Variants in TM9SF2 observed in about 807,000 individuals in gnomAD.
TM9SF2 encodes 76 kDa membrane protein.
A neutral mutation model predicts 84.9 loss-of-function variants in TM9SF2; 13 were observed. The ratio of observed to expected loss-of-function variants is 0.15; its 90% CI spans 0.10 to 0.24. The LOEUF (loss-of-function observed/expected upper bound fraction) is 0.24, where lower values mean the gene tolerates loss of function less well. TM9SF2 is among the 10% of genes least tolerant of loss of function. TM9SF2 has a pLI of 1.00. For missense variants in TM9SF2, 562 were observed against 818.5 expected (o/e 0.69, Z 3.82); for synonymous variants, 273 against 285.8 (o/e 0.96, Z 0.45).
At position 99,502,340 on chromosome 13, in the gene TM9SF2, G is replaced by C. The variant is rs78360364; in HGVS notation, c.171+563G>C. ...ATATCTCGCTTCACAATTAGAAGTT[G>C]GTTCCTTATTTGTGGAGTATAACAC... On this transcript the variant is annotated intron_variant, in intron 1 of 16. Coordinates refer to ENST00000376387, the MANE Select transcript of TM9SF2 (RefSeq NM_004800.3). Among the ~76,000 whole-genome samples, 953 of 152,294 alleles carry C rather than the reference G, an allele frequency of 6.3e-3. 7 individuals carry two copies. The highest frequency in any genetic ancestry group is 0.054 in the Middle Eastern group (16 of 294).
rs377220070 is a variant in TM9SF2 at position 99,562,808 on chromosome 13, A to G, written c.*50A>G. On this transcript the variant is annotated 3_prime_UTR_variant, in exon 17 of 17. Coordinates refer to ENST00000376387, the MANE Select transcript of TM9SF2 (RefSeq NM_004800.3). ...ACAGAAATAAATTAAACTCTTCATC[A>G]ACAAAGACCTGTTTTTGTGACTGCC... 2.6e-5 allele frequency: 41 copies of G among 1,565,830 alleles called. No homozygotes were observed. Among genetic ancestry groups the G allele is most frequent in the Non-Finnish European group, 3.5e-5 (40 of 1,145,612 alleles).
intron 3 of TM9SF2, among the ~76,000 whole-genome samples, chr13:99,524,641 G>A (rs577664199): frequency 1.3e-5 from 2 of 151,828 alleles, no homozygotes; most frequent in African/African-American, 2.4e-5. Flanking sequence ...CCAAGGGAGT[G>A]GGTATAGATG....
chr13:99,503,831 G>T (rs928529829), intron 1 of TM9SF2, among the ~76,000 whole-genome samples: 6 of 152,084 alleles, frequency 3.9e-5, no homozygotes, highest in Admixed American at 3.3e-4. Flanking sequence ...AGGTCCTTTG[G>T]TAAGTGGCTA....
chr13:99,560,137 G>T (rs897473386), intron 16 of TM9SF2, among the ~76,000 whole-genome samples: 1 of 152,182 alleles, frequency 6.6e-6, no homozygotes, highest in Non-Finnish European at 1.5e-5. Flanking sequence ...TTTGTCGCGT[G>T]AGTGACTGAA....
intron 1 of TM9SF2, among the ~76,000 whole-genome samples, chr13:99,506,752 C>T (rs1024702672): frequency 1.3e-5 from 2 of 152,114 alleles, no homozygotes; most frequent in Admixed American, 6.5e-5. Context: ...CACCTCACAC[C>T]CCCAACACAA....
intron 3 of TM9SF2, among the ~76,000 whole-genome samples, chr13:99,528,296 C>T (rs879923835): frequency 6.6e-6 from 1 of 152,138 alleles, no homozygotes; most frequent in Non-Finnish European, 1.5e-5. Flanking sequence ...CTGGCTATGC[C>T]GATGCTCAGT....
At chr13:99,532,464 C>G (rs1331987317) in intron 4 of TM9SF2, among the ~76,000 whole-genome samples, 1 of 151,976 alleles carries the variant, frequency 6.6e-6, no homozygotes, top group East Asian at 1.9e-4. Flanking sequence ...CCAAGGCAGG[C>G]AGATCACCTG....
chr13:99,513,944 A>C (rs1223670865), intron 1 of TM9SF2, among the ~76,000 whole-genome samples: 1 of 152,184 alleles, frequency 6.6e-6, no homozygotes, highest in East Asian at 1.9e-4. Flanking sequence ...TTACAGGAAA[A>C]GTTTGCCAGC....
chr13:99,501,513 T>C lies in TM9SF2; in HGVS notation c.-94T>C. 6.8e-7 allele frequency: 1 copy of C among 1,477,278 alleles called. No homozygotes were observed. The highest frequency in any genetic ancestry group is 1.4e-5 in the African/African-American group (1 of 70,174). 91.5% of individuals were successfully genotyped at this position (1,477,278 alleles called of 1,614,324 possible). A position where few individuals can be genotyped will look rare whatever the true frequency, so the allele number is the denominator to read the frequency against. On this transcript the variant is annotated 5_prime_UTR_variant, in exon 1 of 17. Transcript: ENST00000376387. Reference sequence around the variant, plus strand: ...GCCTTCTGGGGGCCGGCTTCCTTTATCTCTGGCGGCCTTGTAGTCGTCTCC... The same window carrying C: ...GCCTTCTGGGGGCCGGCTTCCTTTACCTCTGGCGGCCTTGTAGTCGTCTCC...
intron 4 of TM9SF2, among the ~76,000 whole-genome samples, chr13:99,535,139 A>G (rs980333662): frequency 1.6e-4 from 25 of 152,256 alleles, no homozygotes; most frequent in African/African-American, 6.0e-4. Context: ...GTGACAGAGC[A>G]AGACCCTGTC....
At chr13:99,541,791 CAAAA>C (rs1362206299) in intron 9 of TM9SF2, 124 bp downstream of exon 9, 4 of 571,212 alleles carry the variant, frequency 7.0e-6, no homozygotes, top group African/African-American at 5.9e-5. Context: ...AAAACAAAAA[CAAAA>C]AAATTCTTCT....
rs2046353577 is a variant in TM9SF2, at chr13:99,563,729, G to C, written c.*971G>C. Reference sequence around the variant, plus strand: ...TGTTTTAAGTCAGGTTTTATTACCTGGACATTAGCAATCACTAGCAAGTCT... The same window carrying C: ...TGTTTTAAGTCAGGTTTTATTACCTCGACATTAGCAATCACTAGCAAGTCT... On this transcript the variant is annotated 3_prime_UTR_variant, in exon 17 of 17. Coordinates refer to ENST00000376387, the MANE Select transcript of TM9SF2 (RefSeq NM_004800.3). 1 of 152,112 alleles carries C rather than the reference G, an allele frequency of 6.6e-6. No homozygotes were observed. Among genetic ancestry groups the C allele is most frequent in the African/African-American group, 2.4e-5 (1 of 41,410 alleles). The allele number at this position is 152,112 out of a possible 1,614,324, so 9.4% of individuals were successfully genotyped here. A position where few individuals can be genotyped will look rare whatever the true frequency, so the allele number is the denominator to read the frequency against.
intron 1 of TM9SF2, among the ~76,000 whole-genome samples, chr13:99,513,338 G>A (rs1023703248): frequency 6.6e-6 from 1 of 152,218 alleles, no homozygotes; most frequent in Non-Finnish European, 1.5e-5. Flanking sequence ...TGATTCAGAA[G>A]ATTGAGACTC....
intron 4 of TM9SF2, 131 bp downstream of exon 4, chr13:99,529,725 G>T (rs1030603301): frequency 1.0e-6 from 1 of 988,092 alleles, no homozygotes; most frequent in Non-Finnish European, 1.4e-6. Flanking sequence ...TGTTACTAGT[G>T]GTCGTAGCTT....
intron 3 of TM9SF2, among the ~76,000 whole-genome samples, chr13:99,524,343 G>A (rs1033602196): frequency 2.0e-5 from 3 of 152,138 alleles, no homozygotes; most frequent in Non-Finnish European, 4.4e-5. Context: ...GCTGTGTTTT[G>A]AAGGTGGCCG....
intron 1 of TM9SF2, among the ~76,000 whole-genome samples, chr13:99,515,174 G>T (rs1183216406): frequency 1.3e-5 from 2 of 152,214 alleles, no homozygotes; most frequent in African/African-American, 4.8e-5. Context: ...GAAAAGTTGT[G>T]TAGAGTATAA....
intron 6 of TM9SF2, among the ~76,000 whole-genome samples, chr13:99,539,086 T>A (rs531401369): frequency 5.9e-5 from 9 of 151,448 alleles, no homozygotes; most frequent in African/African-American, 1.7e-4. Flanking sequence ...GGCACACACC[T>A]GTAGTCCCAT....
intron 4 of TM9SF2, 42 bp downstream of exon 4, chr13:99,529,636 A>G: frequency 1.4e-6 from 2 of 1,456,126 alleles, no homozygotes; most frequent in Admixed American, 2.7e-5. Flanking sequence ...TATCCTTTCC[A>G]TATGAAATCT....
chr13:99,539,257 A>G (rs1003751648), intron 6 of TM9SF2, among the ~76,000 whole-genome samples, 189 bp from the exon 7 acceptor site: 2 of 152,088 alleles, frequency 1.3e-5, no homozygotes, highest in Non-Finnish European at 2.9e-5. Flanking sequence ...CTCTTCAAGT[A>G]TAGTGTTTTC....
Sources: gnomAD v4.1 joint callset for allele counts (sites outside exome capture counted in the v4.1 genomes callset) on GRCh38, gnomAD v4.1.1 for gene constraint, MANE v1.5 for transcripts, NCBI Gene and HGNC (gene_info 2026-07-23, HGNC 2026-07-21) for gene names.